Variants in BTBD9 observed in about 807,000 individuals in gnomAD.
BTBD9 encodes the protein BTB domain containing 9, also known as BTB/POZ domain-containing protein 9.
BTBD9 carries 49 observed loss-of-function variants against 64.3 expected under a neutral mutation model. The observed-to-expected ratio is 0.76, with a 90% CI of 0.61 to 0.97. BTBD9 has a LOEUF of 0.97. Ranked by LOEUF, BTBD9 falls within the 50% of genes least tolerant of loss-of-function variation. The pLI, the probability that BTBD9 is intolerant of heterozygous loss-of-function variation, is 0.00. For synonymous variants in BTBD9, 260 were observed against 274.7 expected, an observed-to-expected ratio of 0.95 and a Z score of 0.53; for missense variants, 598 against 762.1, an observed-to-expected ratio of 0.78 and a Z score of 2.53.
rs574485105 is a variant in BTBD9 at position 38,494,454 on chromosome 6, G to A, written c.1154+83146C>T. 5.9e-5 allele frequency among the ~76,000 whole-genome samples: 9 copies of A among 152,274 alleles called. No homozygotes were observed. The South Asian group carries it at 8.3e-4, about 14-fold the overall frequency. On this transcript the variant is annotated intron_variant, in intron 6 of 10. Coordinates refer to ENST00000481247, the MANE Select transcript of BTBD9 (RefSeq NM_001099272.2). The stretch of plus-strand genomic sequence containing the variant: ...TGCAATGAGAGGGAATTCTCTATAC[G>A]CCTCAGATAATGGCGAATGCCAGCA...
At chr6:38,182,856 C>T (rs1761623754) in intron 10 of BTBD9, among the ~76,000 whole-genome samples, 1 of 152,208 alleles carries the variant, frequency 6.6e-6, no homozygotes, top group Non-Finnish European at 1.5e-5. Context: ...TATGACAGGT[C>T]TAAGGATTGT....
rs1766812397 is a variant in BTBD9 at position 38,172,001 on chromosome 6, C to T, written c.*2984G>A. ...GCCCTTGTGTCCTTTCCATTGGTTACTGAGGACCATTGCCCTCATGGGCCC... is the reference window on the plus strand; with the variant it reads ...GCCCTTGTGTCCTTTCCATTGGTTATTGAGGACCATTGCCCTCATGGGCCC... On this transcript the variant is annotated 3_prime_UTR_variant, in exon 11 of 11. Coordinates refer to ENST00000481247, the MANE Select transcript of BTBD9 (RefSeq NM_001099272.2). The T allele has an allele frequency of 6.6e-6, 1 of 151,882 alleles. No homozygotes were observed. The highest frequency in any genetic ancestry group is 1.5e-5 in the Non-Finnish European group (1 of 68,024). 9.4% of individuals were successfully genotyped at this position (151,882 alleles called of 1,614,324 possible).
chr6:38,607,098 A>G (rs531080631), intron 1 of BTBD9, among the ~76,000 whole-genome samples: 8 of 152,206 alleles, frequency 5.3e-5, no homozygotes, highest in African/African-American at 1.9e-4. Context: ...CTTTGGAAAG[A>G]TTATACATAC....
chr6:38,219,301 A>ATT (rs11389502), intron 9 of BTBD9, among the ~76,000 whole-genome samples: 11,083 of 136,686 alleles, frequency 0.081, 526 homozygotes, highest in Middle Eastern at 0.17. Context: ...CACCCAGCTA[A>ATT]TTTTTTTTTT....
chr6:38,308,038 C>A (rs889780472), intron 7 of BTBD9, among the ~76,000 whole-genome samples: 2 of 152,198 alleles, frequency 1.3e-5, no homozygotes, highest in Non-Finnish European at 1.5e-5. Flanking sequence ...TGAATGAAAG[C>A]ACTTTCCAAA....
intron 4 of BTBD9, among the ~76,000 whole-genome samples, chr6:38,582,760 G>C (rs1031257889): frequency 6.6e-6 from 1 of 152,174 alleles, no homozygotes; most frequent in Non-Finnish European, 1.5e-5. Context: ...TAGTCTCTCT[G>C]AATCTGCTTT....
At chr6:38,625,518 T>C (rs1006697541) in intron 1 of BTBD9, among the ~76,000 whole-genome samples, 7 of 152,214 alleles carry the variant, frequency 4.6e-5, no homozygotes, top group African/African-American at 1.7e-4. Flanking sequence ...CACTTTGTGA[T>C]GGGAAAATAA....
chr6:38,492,751 CA>C (rs1161358926), intron 6 of BTBD9, among the ~76,000 whole-genome samples: 3 of 151,922 alleles, frequency 2.0e-5, no homozygotes, highest in African/African-American at 4.8e-5. Context: ...GTTGATAAAC[CA>C]AAAAACTGTC....
chr6:38,348,492 C>T (rs1764377085), intron 6 of BTBD9, among the ~76,000 whole-genome samples: 1 of 152,096 alleles, frequency 6.6e-6, no homozygotes, highest in Non-Finnish European at 1.5e-5. Flanking sequence ...AACAGCAGCT[C>T]AGACAGTTGG....
chr6:38,500,919 A>C (rs1772167551), intron 6 of BTBD9, among the ~76,000 whole-genome samples: 1 of 152,230 alleles, frequency 6.6e-6, no homozygotes, highest in Admixed American at 6.5e-5. Flanking sequence ...AAGGTTCTGC[A>C]GATCTCCATG....
intron 10 of BTBD9, among the ~76,000 whole-genome samples, chr6:38,178,990 C>T (rs1048974931): frequency 6.6e-6 from 1 of 152,056 alleles, no homozygotes. Context: ...GTAGCTGAGA[C>T]TACAGGCACG....
chr6:38,193,794 T>C (rs1762181872), intron 9 of BTBD9: 2 of 984,562 alleles, frequency 2.0e-6, no homozygotes, highest in Non-Finnish European at 2.4e-6. Flanking sequence ...GCAAAGAAAA[T>C]ATATATGTAT....
chr6:38,397,949 C>G (rs189737801), intron 6 of BTBD9, among the ~76,000 whole-genome samples: 2 of 152,044 alleles, frequency 1.3e-5, no homozygotes, highest in African/African-American at 4.8e-5. Context: ...AGCAGGAGTG[C>G]GGTACTATTG....
In BTBD9 at chr6:38,435,392, C is replaced by G. The variant is rs549431426; in HGVS notation, c.1155-90299G>C. On this transcript the variant is annotated intron_variant, in intron 6 of 10. Transcript: ENST00000481247. Reference sequence around the variant, plus strand: ...GGCGGTGCCTGTAATCCCAGCTGCTCAGGAGGCTAAGGCAGAGAATCGCTT... The same window carrying G: ...GGCGGTGCCTGTAATCCCAGCTGCTGAGGAGGCTAAGGCAGAGAATCGCTT... Among the ~76,000 whole-genome samples, 146 of 151,124 alleles carry G rather than the reference C, an allele frequency of 9.7e-4. 3 individuals carry two copies. The highest frequency in any genetic ancestry group is 3.4e-3 in the African/African-American group (138 of 40,858).
At chr6:38,300,221 C>A (rs1762334218) in intron 7 of BTBD9, among the ~76,000 whole-genome samples, 1 of 152,132 alleles carries the variant, frequency 6.6e-6, no homozygotes, top group African/African-American at 2.4e-5. Context: ...GTCTATATCT[C>A]TGTTTTGGAA....
intron 6 of BTBD9, among the ~76,000 whole-genome samples, chr6:38,532,950 G>A (rs1021520808): frequency 6.6e-6 from 1 of 151,626 alleles, no homozygotes; most frequent in African/African-American, 2.4e-5. Context: ...CACAAAGTGG[G>A]CACCTTCACT....
intron 6 of BTBD9, among the ~76,000 whole-genome samples, chr6:38,396,897 C>CTTTTTTTTTTTTTTTTTTTTT (rs146597621): frequency 2.1e-4 from 23 of 107,392 alleles, no homozygotes; most frequent in Non-Finnish European, 3.3e-4. Context: ...TTTTCTTTTT[C>CTTTTTTTTTTTTTTTTTTTTT]TTTTTTTTTT....
rs1777107166 is a variant in BTBD9 at position 38,598,021 on chromosome 6, T to C, written c.74A>G (p.His25Arg). 1.2e-6 allele frequency: 2 copies of C among 1,613,966 alleles called. No individual in the cohort carries two copies. The highest frequency in any genetic ancestry group is 1.7e-6 in the Non-Finnish European group (2 of 1,179,880). The change falls in exon 2 of 11, where the codon CAT (histidine) becomes CGT (arginine). Residue 25 changes from histidine to arginine, a missense_variant. By Grantham distance (29) the His-to-Arg change is conservative. Transcript: ENST00000481247. ...TTCCCCAATCAACAAGGCACCAATA[T>C]GTTCAGACAAAATGTGCACATGATC... ...EIDHVHILSE[H>R]IGALLIGEEY...
chr6:38,353,387 T>A (rs1764598497), intron 6 of BTBD9, among the ~76,000 whole-genome samples: 1 of 138,064 alleles, frequency 7.2e-6, no homozygotes, highest in Non-Finnish European at 1.5e-5. Context: ...AAATGAAAAA[T>A]GAATAAGGGA....
Sources: allele counts gnomAD v4.1 joint callset (sites outside exome capture counted in the v4.1 genomes callset), GRCh38; gene constraint gnomAD v4.1.1; transcripts MANE v1.5; gene names NCBI Gene and HGNC (gene_info 2026-07-23, HGNC 2026-07-21).